The following NUP98 variants were observed in gnomAD, a reference collection of about 807,000 sequenced individuals.
NUP98 encodes nuclear pore complex protein Nup98-Nup96.
NUP98 carries 26 observed loss-of-function variants against 191.9 expected under a neutral mutation model. The observed-to-expected ratio is 0.14, with a 90% confidence interval of 0.10 to 0.19. The LOEUF (loss-of-function observed/expected upper bound fraction) is 0.19. NUP98 is among the 10% of genes least tolerant of loss of function. The probability of loss-of-function intolerance (pLI) is 1.00; values close to 1 mark genes in which losing one functional copy is unlikely to be tolerated. For synonymous variants in NUP98, 808 were observed against 778.4 expected, an observed-to-expected ratio of 1.04 and a Z score of -0.63; for missense variants, 1,941 against 2,178.8, an observed-to-expected ratio of 0.89 and a Z score of 2.17.
At chr11:3,779,448 C>A (rs2081873270) in intron 2 of NUP98, among the ~76,000 whole-genome samples, 191 bp from the exon 3 acceptor site, 1 of 151,842 alleles carries the variant, frequency 6.6e-6, no homozygotes, top group Admixed American at 6.6e-5. Flanking sequence ...TCAAGACCAG[C>A]CTGACCAACA....
At chr11:3,690,490 G>A (rs1201332524) in intron 28 of NUP98, among the ~76,000 whole-genome samples, 7 of 148,644 alleles carry the variant, frequency 4.7e-5, no homozygotes, top group Non-Finnish European at 3.0e-5. Context: ...TCGATCTCCT[G>A]ACCTCGTGAT....
At chr11:3,777,351 G>A (rs771471765) in intron 4 of NUP98, among the ~76,000 whole-genome samples, 12 of 152,230 alleles carry the variant, frequency 7.9e-5, no homozygotes, top group African/African-American at 1.4e-4. Context: ...TGCCAGGTGC[G>A]GTGGCTCACG....
chr11:3,767,883 T>C (rs890526562), intron 8 of NUP98, among the ~76,000 whole-genome samples: 6 of 152,066 alleles, frequency 3.9e-5, no homozygotes, highest in Non-Finnish European at 5.9e-5. Context: ...GTTCCCTTAG[T>C]TCCTGTTGTT....
At chr11:3,709,707 T>A (rs575083913) in intron 20 of NUP98, among the ~76,000 whole-genome samples, 33 of 150,818 alleles carry the variant, frequency 2.2e-4, no homozygotes, top group Middle Eastern at 6.8e-3. Flanking sequence ...TTAAATTCAC[T>A]TAGTGAACAA....
intron 23 of NUP98, 117 bp from the exon 24 acceptor site, chr11:3,700,956 CT>C (rs2078658022): frequency 1.2e-5 from 9 of 727,428 alleles, no homozygotes; most frequent in Non-Finnish European, 2.0e-5. Flanking sequence ...AAACATTTCA[CT>C]GTAGTTTTAA....
intron 22 of NUP98, among the ~76,000 whole-genome samples, chr11:3,703,449 C>T (rs1373760877): frequency 6.6e-6 from 1 of 152,096 alleles, no homozygotes; most frequent in Admixed American, 6.6e-5. Context: ...AACTCCTGAC[C>T]TCGTGATCCA....
chr11:3,776,044 A>G (rs368870594), intron 4 of NUP98, 23 bp from the exon 5 acceptor site: 35 of 1,579,674 alleles, frequency 2.2e-5, no homozygotes, highest in Non-Finnish European at 2.9e-5. Context: ...AAGAAAAATG[A>G]GACGATAACA....
rs115337785 is a variant in NUP98, at chr11:3,750,460, T to C, written c.1267+2856A>G. ...CTGACCAAAAGAAAAACTGGTATTA[T>C]GTGAAATGAAAATACAAGTCACAGA... On this transcript the variant is annotated intron_variant, in intron 11 of 32. Coordinates refer to ENST00000324932, the MANE Select transcript of NUP98 (RefSeq NM_016320.5). Among the ~76,000 whole-genome samples the C allele has an allele frequency of 3.8e-3, 575 of 152,310 alleles. 1 individual carries two copies. Among genetic ancestry groups the C allele is most frequent in the African/African-American group, 0.013 (550 of 41,554 alleles).
chr11:3,769,323 G>T (rs867113554), intron 7 of NUP98, among the ~76,000 whole-genome samples: 2 of 152,118 alleles, frequency 1.3e-5, no homozygotes, highest in African/African-American at 4.8e-5. Flanking sequence ...CTACTTGGGA[G>T]ACCGAGGTGG....
rs749023438 is a variant in NUP98 at position 3,731,480 on chromosome 11, A to G, written c.1641T>C (p.Ala547=). 16 of 1,608,952 alleles carry G rather than the reference A, an allele frequency of 9.9e-6. No individual in the cohort carries two copies. Among genetic ancestry groups the G allele is most frequent in the Non-Finnish European group, 1.4e-5 (16 of 1,177,512 alleles). Reference sequence around the variant, plus strand: ...ACTTGGCTGTGCCTGTTGTTTGTAAAGCCTTTGGCCGGACTCTAGTGGCAG... The same window carrying G: ...ACTTGGCTGTGCCTGTTGTTTGTAAGGCCTTTGGCCGGACTCTAGTGGCAG... ...PRPATRVRPK[A]LQTTGTAKSH... is the part of the protein sequence containing the mutation. Residue 547 remains alanine, a synonymous_variant, in exon 14 of 33, where the codon GCT becomes GCC. Coordinates refer to ENST00000324932, the MANE Select transcript of NUP98 (RefSeq NM_016320.5).
intron 12 of NUP98, among the ~76,000 whole-genome samples, chr11:3,738,358 A>C (rs558249829): frequency 6.6e-6 from 1 of 152,336 alleles, no homozygotes; most frequent in South Asian, 2.1e-4. Context: ...TTCAAAATAA[A>C]AGATTCCAAA....
At position 3,705,216 on chromosome 11, in the gene NUP98, C is replaced by T. The variant is rs201043979; in HGVS notation, c.3066G>A (p.Ser1022=). 4.3e-5 allele frequency: 69 copies of T among 1,614,060 alleles called. No homozygotes were observed. The highest frequency in any genetic ancestry group is 2.5e-4 in the Admixed American group (15 of 59,994). The change falls in exon 22 of 33, where the codon TCG becomes TCA. Residue 1022 remains serine, a synonymous_variant. Transcript: ENST00000324932. The part of the protein sequence containing the change: ...PRLPISASHS[S]KTRSLVGGLL... Reference sequence around the variant, plus strand: ...ATACTGTACCTAGTGAACGAGTTTTCGACGAGTGGGATGCTGAAATGGGGA... The same window carrying T: ...ATACTGTACCTAGTGAACGAGTTTTTGACGAGTGGGATGCTGAAATGGGGA...
chr11:3,790,317 T>G (rs2133981762), intron 1 of NUP98, among the ~76,000 whole-genome samples: 1 of 152,296 alleles, frequency 6.6e-6, no homozygotes, highest in East Asian at 1.9e-4. Context: ...AAGCAGAAGC[T>G]GCTCTGGCTG....
intron 21 of NUP98, among the ~76,000 whole-genome samples, chr11:3,705,846 A>G (rs1852041841): frequency 6.6e-6 from 1 of 152,116 alleles, no homozygotes; most frequent in Non-Finnish European, 1.5e-5. Context: ...ACAAAGTAAT[A>G]AAGTTACAAA....
intron 29 of NUP98, among the ~76,000 whole-genome samples, chr11:3,684,017 G>A (rs1251065960): frequency 6.7e-6 from 1 of 148,308 alleles, no homozygotes; most frequent in Admixed American, 6.8e-5. Flanking sequence ...AGACCAGCCT[G>A]GCCAACATGG....
intron 20 of NUP98, among the ~76,000 whole-genome samples, chr11:3,706,909 G>A (rs192229040): frequency 6.6e-6 from 1 of 152,274 alleles, no homozygotes; most frequent in Admixed American, 6.5e-5. Flanking sequence ...ACAAATGGTG[G>A]TCTTCAGAGA....
At chr11:3,787,005 T>C (rs1164836605) in intron 1 of NUP98, among the ~76,000 whole-genome samples, 3 of 152,254 alleles carry the variant, frequency 2.0e-5, no homozygotes, top group African/African-American at 7.2e-5. Flanking sequence ...TAGTACTTCC[T>C]ACTTTACAAA....
chr11:3,748,159 A>T (rs1412174932), intron 11 of NUP98, among the ~76,000 whole-genome samples: 1 of 152,220 alleles, frequency 6.6e-6, no homozygotes. Context: ...ATTATTGTGG[A>T]ATGAGAGACA....
chr11:3,760,112 C>CAAAAAAAAAA (rs67500611), intron 10 of NUP98: 1 of 120,986 alleles, frequency 8.3e-6, no homozygotes, highest in Non-Finnish European at 1.7e-5. Context: ...TGTTCTCCAC[C>CAAAAAAAAAA]AAAAAAAAAA....
Sources: allele counts gnomAD v4.1 joint callset (sites outside exome capture counted in the v4.1 genomes callset), GRCh38; gene constraint gnomAD v4.1.1; transcripts MANE v1.5; gene names NCBI Gene and HGNC (gene_info 2026-07-23, HGNC 2026-07-21).